Variants in PRKCA observed in about 807,000 individuals in gnomAD.
The protein encoded by PRKCA is protein kinase C alpha type.
In PRKCA, 27 loss-of-function variants were observed where a neutral mutation model predicts 87.0. That is an observed-to-expected ratio of 0.31 (90% CI 0.23 to 0.43). The LOEUF (loss-of-function observed/expected upper bound fraction) is 0.43, where lower values mean the gene tolerates loss of function less well. Among genes scored for constraint, PRKCA ranks in the 20% least tolerant of loss-of-function variants. The probability of loss-of-function intolerance (pLI) is 1.00; values close to 1 mark genes in which losing one functional copy is unlikely to be tolerated. For synonymous variants in PRKCA, 329 were observed against 311.1 expected (o/e 1.06, Z -0.61); for missense variants, 518 against 852.3 (o/e 0.61, Z 4.88).
chr17:66,676,957 C>T (rs1162795272), intron 5 of PRKCA, among the ~76,000 whole-genome samples: 3 of 152,220 alleles, frequency 2.0e-5, no homozygotes, highest in Middle Eastern at 3.4e-3. Flanking sequence ...GGAAGTAGAG[C>T]GTCCTTTTTT....
At position 66,754,510 on chromosome 17, in the gene PRKCA, C is replaced by T. The variant is rs550036449; in HGVS notation, c.1524+11750C>T. Among the ~76,000 whole-genome samples the T allele has an allele frequency of 2.0e-5, 3 of 152,254 alleles. No individual in the cohort carries two copies. The South Asian group carries it at 6.2e-4, about 32-fold the overall frequency. On this transcript the variant is annotated intron_variant, in intron 13 of 16. Coordinates refer to ENST00000413366, the MANE Select transcript of PRKCA (RefSeq NM_002737.3). ...AGTGGTAAACGAGGGTACGACCTAG[C>T]ACGGTGCTGGCTTAAAGACTGTGCT...
At chr17:66,523,567 T>A (rs2144230310) in intron 3 of PRKCA, among the ~76,000 whole-genome samples, 1 of 152,358 alleles carries the variant, frequency 6.6e-6, no homozygotes, top group East Asian at 1.9e-4. Flanking sequence ...TATTAGCTTA[T>A]GTTTAACCAA....
At chr17:66,696,771 A>G (rs1481811712) in intron 8 of PRKCA, among the ~76,000 whole-genome samples, 1 of 152,196 alleles carries the variant, frequency 6.6e-6, no homozygotes, top group Non-Finnish European at 1.5e-5. Context: ...GAATTCTGCT[A>G]TCTTGATGAC....
intron 3 of PRKCA, among the ~76,000 whole-genome samples, chr17:66,558,034 G>T (rs780030641): frequency 2.0e-5 from 3 of 152,198 alleles, no homozygotes; most frequent in Non-Finnish European, 4.4e-5. Flanking sequence ...ACTGCCCACC[G>T]TTCCCAATTG....
chr17:66,701,903 G>A (rs1293076165), intron 8 of PRKCA, among the ~76,000 whole-genome samples: 1 of 152,100 alleles, frequency 6.6e-6, no homozygotes, highest in Non-Finnish European at 1.5e-5. Flanking sequence ...AGACAGTATG[G>A]ATGTCTCTTA....
At chr17:66,650,905 G>A (rs569561683) in intron 5 of PRKCA, among the ~76,000 whole-genome samples, 169 of 152,292 alleles carry the variant, frequency 1.1e-3, no homozygotes, top group Non-Finnish European at 2.0e-3. Flanking sequence ...TTGAGCGTGT[G>A]TCCTGCTCTC....
intron 2 of PRKCA, among the ~76,000 whole-genome samples, chr17:66,344,829 G>A (rs1044341716): frequency 1.3e-5 from 2 of 152,170 alleles, no homozygotes; most frequent in Admixed American, 6.6e-5. Context: ...GCACTTGCGC[G>A]ATCTCGGCTC....
intron 2 of PRKCA, among the ~76,000 whole-genome samples, chr17:66,389,618 A>G (rs989695716): frequency 6.6e-6 from 1 of 152,154 alleles, no homozygotes; most frequent in Non-Finnish European, 1.5e-5. Flanking sequence ...CTGGGCCAGG[A>G]TGGTTGGCAG....
intron 3 of PRKCA, among the ~76,000 whole-genome samples, chr17:66,593,483 G>A (rs374096067): frequency 6.6e-5 from 10 of 152,328 alleles, no homozygotes; most frequent in African/African-American, 2.4e-4. Context: ...CAGTAAAGCA[G>A]TTGCATATAA....
chr17:66,419,632 T>G (rs1467138804), intron 2 of PRKCA, among the ~76,000 whole-genome samples: 1 of 152,054 alleles, frequency 6.6e-6, no homozygotes, highest in Non-Finnish European at 1.5e-5. Flanking sequence ...AGTCACTTGA[T>G]GTGAATTATA....
chr17:66,688,259 T>C (rs1972683710), intron 6 of PRKCA, 43 bp from the exon 7 acceptor site: 1 of 1,606,482 alleles, frequency 6.2e-7, no homozygotes, highest in South Asian at 1.1e-5. Flanking sequence ...CAAGAAACCA[T>C]GATCAAGATA....
intron 2 of PRKCA, among the ~76,000 whole-genome samples, chr17:66,357,016 C>A (rs1908101069): frequency 6.6e-6 from 1 of 152,194 alleles, no homozygotes; most frequent in South Asian, 2.1e-4. Flanking sequence ...GCCTCAGCCT[C>A]CCAAAGTGCT....
chr17:66,758,381 G>A (rs531447678), intron 13 of PRKCA, among the ~76,000 whole-genome samples: 8 of 152,252 alleles, frequency 5.3e-5, no homozygotes, highest in East Asian at 1.9e-4. Context: ...TTTGATCTAC[G>A]GGAAGAAATT....
chr17:66,611,538 T>A, intron 3 of PRKCA, among the ~76,000 whole-genome samples: 1 of 152,244 alleles, frequency 6.6e-6, no homozygotes, highest in East Asian at 1.9e-4. Flanking sequence ...AATGGCCTAA[T>A]AATACTCCAT....
intron 2 of PRKCA, among the ~76,000 whole-genome samples, chr17:66,489,755 C>T (rs1168878855): frequency 6.6e-6 from 1 of 151,548 alleles, no homozygotes; most frequent in East Asian, 1.9e-4. Context: ...TCCTTCCTTT[C>T]CCTTTCCCTT....
intron 4 of PRKCA, among the ~76,000 whole-genome samples, chr17:66,643,166 CA>C (rs1371453953): frequency 1.3e-5 from 2 of 152,162 alleles, no homozygotes; most frequent in Non-Finnish European, 2.9e-5. Context: ...AAACTGGGAA[CA>C]AAATAAATAT....
At position 66,689,800 on chromosome 17, in the gene PRKCA, C is replaced by A. The variant is rs1404400018; in HGVS notation, c.918+753C>A. The stretch of plus-strand genomic sequence containing the variant: ...TAATATTTGTCTGTTTCTCTAATCA[C>A]CCTTCATTTTGGCTGTTCGAGGGAC... On this transcript the variant is annotated intron_variant, in intron 8 of 16. Transcript: ENST00000413366. This position sits in a 1 kb window ranked among gnomAD's most constrained non-coding sequence, Gnocchi z 4.1. Among the ~76,000 whole-genome samples, 3 of 152,224 alleles carry A rather than the reference C, an allele frequency of 2.0e-5. No individual in the cohort carries two copies. Among genetic ancestry groups the A allele is most frequent in the Admixed American group, 6.5e-5 (1 of 15,286 alleles).
intron 2 of PRKCA, among the ~76,000 whole-genome samples, chr17:66,458,768 A>G (rs1914696509): frequency 6.6e-6 from 1 of 152,200 alleles, no homozygotes; most frequent in Admixed American, 6.5e-5. Flanking sequence ...GGCGTGAGCC[A>G]CCGTGCCCTG....
intron 3 of PRKCA, among the ~76,000 whole-genome samples, chr17:66,569,543 T>C (rs1271907678): frequency 6.6e-6 from 1 of 152,020 alleles, no homozygotes; most frequent in East Asian, 1.9e-4. Flanking sequence ...CACTCCAGCC[T>C]GAGCAAGAAG....
Sources: allele counts gnomAD v4.1 joint callset (sites outside exome capture counted in the v4.1 genomes callset), GRCh38; gene constraint gnomAD v4.1.1; non-coding constraint Gnocchi (gnomAD v3.1); transcripts MANE v1.5; gene names NCBI Gene and HGNC (gene_info 2026-07-23, HGNC 2026-07-21).